Variants in PDE8B observed in about 807,000 individuals in gnomAD.
PDE8B encodes the protein high affinity cAMP-specific and IBMX-insensitive 3',5'-cyclic phosphodiesterase 8B.
PDE8B carries 26 observed loss-of-function variants against 101.3 expected under a neutral mutation model. The ratio of observed to expected loss-of-function variants is 0.26; its 90% CI spans 0.19 to 0.36. The LOEUF is 0.36. Ranked by LOEUF, PDE8B falls within the 10% of genes least tolerant of loss-of-function variation. The pLI, the probability that PDE8B is intolerant of heterozygous loss-of-function variation, is 1.00. For synonymous variants in PDE8B, 424 were observed against 429.3 expected (o/e 0.99, Z 0.15); for missense variants, 810 against 1,163.1 (o/e 0.70, Z 4.42).
At chr5:77,214,076 A>C (rs1749111006) in intron 1 of PDE8B, 1 of 152,230 alleles carries the variant, frequency 6.6e-6, no homozygotes, top group Non-Finnish European at 1.5e-5. Context: ...TTTCAAAAAT[A>C]GTACTCCAAC....
At chr5:77,111,417 T>C in the PDE8B span, among the ~76,000 whole-genome samples, 1 of 152,186 alleles carries the variant, frequency 6.6e-6, no homozygotes, top group Non-Finnish European at 1.5e-5. Context: ...CTGATATCTG[T>C]GGAAGATATC....
intron 1 of PDE8B, among the ~76,000 whole-genome samples, chr5:77,273,386 T>C (rs1763169593): frequency 6.6e-6 from 1 of 152,228 alleles, no homozygotes; most frequent in Non-Finnish European, 1.5e-5. Context: ...TTTATTAATT[T>C]GGTTTTTTAA....
At chr5:77,314,249 C>G (rs1412613138) in intron 2 of PDE8B, among the ~76,000 whole-genome samples, 4 of 152,126 alleles carry the variant, frequency 2.6e-5, no homozygotes, top group African/African-American at 9.7e-5. Flanking sequence ...ATTTATATGT[C>G]TGTCCTTATC....
At chr5:77,176,081 T>C in the PDE8B span, among the ~76,000 whole-genome samples, 2 of 152,202 alleles carry the variant, frequency 1.3e-5, no homozygotes, top group African/African-American at 4.8e-5. Flanking sequence ...TAGAAAACTA[T>C]TTTCTTCTTT....
chr5:77,146,850 T>A, the PDE8B span: 1 of 352,196 alleles, frequency 2.8e-6, no homozygotes, highest in Non-Finnish European at 5.8e-6. Context: ...AGGATCCCAA[T>A]GCACCCAAGA....
the PDE8B span, among the ~76,000 whole-genome samples, chr5:77,125,132 A>G: frequency 6.6e-6 from 1 of 152,124 alleles, no homozygotes; most frequent in Non-Finnish European, 1.5e-5. Flanking sequence ...AGCTGGGACT[A>G]CAGGCATGCA....
intron 1 of PDE8B, among the ~76,000 whole-genome samples, chr5:77,241,794 A>G (rs1253633332): frequency 3.3e-5 from 5 of 152,252 alleles, no homozygotes; most frequent in Admixed American, 2.6e-4. Flanking sequence ...AGAAACCACA[A>G]GTGTCTGGCT....
chr5:77,419,702 G>A, intron 18 of PDE8B, 65 bp from the exon 19 acceptor site: 2 of 1,592,508 alleles, frequency 1.3e-6, no homozygotes, highest in Non-Finnish European at 1.7e-6. Flanking sequence ...TAGTGAAATG[G>A]TGGCAGAATA....
the PDE8B span, chr5:77,118,750 C>T: frequency 0.44 from 78,600 of 180,516 alleles, 20,422 homozygotes; most frequent in African/African-American, 0.75. Flanking sequence ...CTGGATCCCT[C>T]CCACAGACAT....
At chr5:77,152,944 A>G in the PDE8B span, among the ~76,000 whole-genome samples, 4 of 152,200 alleles carry the variant, frequency 2.6e-5, no homozygotes, top group African/African-American at 9.6e-5. Context: ...CTGAGTCCCA[A>G]TTGTGAGAGA....
intron 1 of PDE8B, among the ~76,000 whole-genome samples, chr5:77,242,112 A>C (rs554748278): frequency 6.6e-6 from 1 of 152,252 alleles, no homozygotes; most frequent in Non-Finnish European, 1.5e-5. Context: ...CCTGGCGAGA[A>C]TGCATGGAGC....
chr5:77,348,478 C>T (rs933871271), intron 7 of PDE8B, among the ~76,000 whole-genome samples: 1 of 152,172 alleles, frequency 6.6e-6, no homozygotes, highest in Admixed American at 6.5e-5. Flanking sequence ...GGGAGCTTCA[C>T]ACCTGCCTGA....
intron 1 of PDE8B, among the ~76,000 whole-genome samples, chr5:77,278,594 C>T (rs1257268222): frequency 2.0e-5 from 3 of 152,102 alleles, no homozygotes; most frequent in Non-Finnish European, 4.4e-5. Context: ...CTCAGCCTCC[C>T]GAGTAGCTGG....
chr5:77,396,467 A>G (rs1791082571), intron 10 of PDE8B, among the ~76,000 whole-genome samples: 1 of 152,240 alleles, frequency 6.6e-6, no homozygotes, highest in African/African-American at 2.4e-5. Flanking sequence ...TTATGTATCC[A>G]GTGAACAACT....
chr5:77,200,018 C>G, the PDE8B span, among the ~76,000 whole-genome samples: 4 of 148,752 alleles, frequency 2.7e-5, no homozygotes, highest in Non-Finnish European at 5.9e-5. Flanking sequence ...CAGGTTTAAA[C>G]TCTATATAGT....
chr5:77,394,527 A>G (rs78805447), intron 10 of PDE8B, among the ~76,000 whole-genome samples: 7,847 of 152,062 alleles, frequency 0.052, 642 homozygotes, highest in African/African-American at 0.17. Context: ...CCCTACAAGC[A>G]CTCTGGCATG....
chr5:77,189,465 A>G, the PDE8B span, among the ~76,000 whole-genome samples: 35 of 152,234 alleles, frequency 2.3e-4, no homozygotes, highest in Admixed American at 6.5e-4. Flanking sequence ...GGTGGGGAAC[A>G]TTGCCATAGT....
intron 6 of PDE8B, among the ~76,000 whole-genome samples, chr5:77,339,958 T>G (rs1294428723): frequency 6.6e-6 from 1 of 152,224 alleles, no homozygotes; most frequent in Non-Finnish European, 1.5e-5. Flanking sequence ...ATGCCTTTGA[T>G]GAATTACTCT....
intron 1 of PDE8B, among the ~76,000 whole-genome samples, chr5:77,310,229 G>A (rs1772287738): frequency 6.6e-6 from 1 of 152,210 alleles, no homozygotes; most frequent in South Asian, 2.1e-4. Context: ...GGGATTACAG[G>A]CGAGAGCCAC....
Sources: allele counts gnomAD v4.1 joint callset (sites outside exome capture counted in the v4.1 genomes callset), GRCh38; gene constraint gnomAD v4.1.1; transcripts MANE v1.5; gene names NCBI Gene and HGNC (gene_info 2026-07-23, HGNC 2026-07-21).